CMYA5: variants seen among roughly 807,000 people sequenced by gnomAD.
The protein encoded by CMYA5 is cardiomyopathy-associated protein 5.
CMYA5 carries 246 observed loss-of-function variants against 318.9 expected under a neutral mutation model. The observed-to-expected ratio is 0.77, with a 90% CI of 0.70 to 0.86. CMYA5 has a LOEUF of 0.86. Ranked by LOEUF, CMYA5 falls within the 40% of genes least tolerant of loss-of-function variation. The probability of loss-of-function intolerance (pLI) is 0.00; values close to 1 mark genes in which losing one functional copy is unlikely to be tolerated. For missense variants in CMYA5, 4,589 were observed against 4,678.2 expected, an observed-to-expected ratio of 0.98 and a Z score of 0.56; for synonymous variants, 1,641 against 1,729.5, an observed-to-expected ratio of 0.95 and a Z score of 1.27.
intron 8 of CMYA5, 132 bp from the exon 9 acceptor site, chr5:79,762,930 A>T: frequency 9.4e-7 from 1 of 1,062,428 alleles, no homozygotes; most frequent in Non-Finnish European, 1.3e-6. Context: ...TTGGGTTTTT[A>T]ACACAGAATA....
chr5:79,799,825 A>G lies in CMYA5; in HGVS notation c.*209A>G. On this transcript the variant is annotated 3_prime_UTR_variant, in exon 13 of 13. Coordinates refer to ENST00000446378, the MANE Select transcript of CMYA5 (RefSeq NM_153610.5). The stretch of plus-strand genomic sequence containing the variant: ...TGTGAGTAAACAGAATGAAAACAAC[A>G]ACCTCCACTCTTTAGTTTATATAAG... The G allele has an allele frequency of 2.4e-6, 1 of 424,128 alleles. No homozygotes were observed. Among genetic ancestry groups the G allele is most frequent in the Non-Finnish European group, 4.1e-6 (1 of 241,222 alleles). The allele number at this position is 424,128 out of a possible 1,614,324, so 26.3% of individuals were successfully genotyped here.
rs753037173 is a variant in CMYA5, at chr5:79,731,025, C to A, written c.2260C>A (p.Leu754Ile). Reference protein sequence around the residue: ...PAVAPASEPSLSPSTTEKTSE... With the variant: ...PAVAPASEPSISPSTTEKTSE... ...TGTGGCCCCTGCTTCTGAGCCCTCT[C>A]TCTCACCATCCACAACCGAAAAGAC... The change falls in exon 2 of 13, where the codon CTC becomes ATC. Residue 754 changes from leucine to isoleucine, a missense_variant. Transcript: ENST00000446378. 2.5e-6 allele frequency: 4 copies of A among 1,614,034 alleles called. No homozygotes were observed. The highest frequency in any genetic ancestry group is 3.3e-5 in the Admixed American group (2 of 60,024).
Position 79,763,080 on chromosome 5 carries a change from T to A in CMYA5, c.11426T>A (p.Ile3809Asn). Residue 3809 changes from isoleucine (I) to asparagine (N), a missense_variant, in exon 9 of 13, where the codon ATC becomes AAC. Ile to Asn is a moderately radical substitution (Grantham distance 149, BLOSUM62 -3). Coordinates refer to ENST00000446378, the MANE Select transcript of CMYA5 (RefSeq NM_153610.5). The stretch of plus-strand genomic sequence containing the variant: ...TCTGCAGCACCCTCCACCCCTGTGA[T>A]CCGCGCTGAGGACTGTACTGTGTGT... ...IFRTAPSTPV[I>N]RAEDCTVCWN... is the part of the protein sequence containing the mutation. 2 of 1,613,748 alleles carry A rather than the reference T, an allele frequency of 1.2e-6. No homozygotes were observed. Among genetic ancestry groups the A allele is most frequent in the East Asian group, 4.5e-5 (2 of 44,864 alleles).
chr5:79,735,256 C>A lies in CMYA5; in HGVS notation c.6491C>A (p.Pro2164Gln), dbSNP rs369777192. 6.2e-7 allele frequency: 1 copy of A among 1,613,686 alleles called. No homozygotes were observed. The highest frequency in any genetic ancestry group is 8.5e-7 in the Non-Finnish European group (1 of 1,179,814). Residue 2164 changes from proline to glutamine, a missense_variant, in exon 2 of 13, where the codon CCG becomes CAG. By Grantham distance (76) the Pro-to-Gln change is moderately conservative. Around this residue, in one of 3 missense-constraint regions of CMYA5, gnomAD observed 2,431 missense variants for 2,495.1 expected, o/e 0.97. Transcript: ENST00000446378. ...NPPTQPKVAK[P>Q]DLPEEKGKKG... ...CCTACACAACCAAAGGTGGCTAAGC[C>A]GGACCTTCCTGAGGAAAAGGGAAAG...
At chr5:79,790,854 C>A in intron 10 of CMYA5, 116 bp from the exon 11 acceptor site, 1 of 671,070 alleles carries the variant, frequency 1.5e-6, no homozygotes, top group Non-Finnish European at 2.6e-6. Context: ...GAAGACACTT[C>A]GTGGGGGATT....
At chr5:79,711,868 A>G (rs918810495) in intron 1 of CMYA5, among the ~76,000 whole-genome samples, 10 of 152,186 alleles carry the variant, frequency 6.6e-5, no homozygotes, top group Admixed American at 1.3e-4. Flanking sequence ...TCAGTGGAGG[A>G]GCACCCAGAA....
chr5:79,747,762 A>T (rs1471861866), intron 5 of CMYA5, among the ~76,000 whole-genome samples: 2 of 152,184 alleles, frequency 1.3e-5, no homozygotes, highest in African/African-American at 4.8e-5. Context: ...AACAGATCTG[A>T]CACGTTCTTC....
Position 79,734,350 on chromosome 5 carries a change from C to A in CMYA5, c.5585C>A (p.Pro1862His). The A allele has an allele frequency of 6.2e-7, 1 of 1,613,840 alleles. No individual in the cohort carries two copies. The highest frequency in any genetic ancestry group is 1.1e-5 in the South Asian group (1 of 91,082). Residue 1862 changes from proline to histidine, a missense_variant, in exon 2 of 13, where the codon CCT becomes CAT. This residue lies in a region of CMYA5 where 2,132 missense variants were observed against 2,131.3 expected (regional missense o/e 1.00). Transcript: ENST00000446378. ...TTTTCACTTATGAGAGAGAATTTGC[C>A]TTTGGAACAATCAAAATCATTTATG... ...KQFSLMRENL[P>H]LEQSKSFMTT...
At chr5:79,760,033 G>C (rs1828617587) in intron 7 of CMYA5, among the ~76,000 whole-genome samples, 1 of 152,176 alleles carries the variant, frequency 6.6e-6, no homozygotes, top group Non-Finnish European at 1.5e-5. Context: ...CCGGGGGCAG[G>C]AGTCAAACAC....
rs551925528 is a variant in CMYA5 at position 79,730,304 on chromosome 5, A to T, written c.1539A>T (p.Leu513=). Residue 513 remains leucine, a synonymous_variant, in exon 2 of 13, where the codon CTA becomes CTT. Transcript: ENST00000446378. ...AGAAAGAAGAAATAGAAACTTCCCT[A>T]CCCATAGCTATTACCCCTGAACCTG... is the stretch of plus-strand genomic sequence containing the variant. ...EPEKEEIETS[L]PIAITPEPED... is the part of the protein sequence containing the mutation. The T allele has an allele frequency of 2.5e-6, 4 of 1,613,718 alleles. No individual in the cohort carries two copies. The highest frequency in any genetic ancestry group is 3.4e-6 in the Non-Finnish European group (4 of 1,179,844).
At chr5:79,763,848 G>A (rs1828701422) in intron 9 of CMYA5, among the ~76,000 whole-genome samples, 2 of 152,232 alleles carry the variant, frequency 1.3e-5, no homozygotes, top group South Asian at 4.2e-4. Flanking sequence ...CCTTGCTGTG[G>A]AGCAGCTTCA....
Position 79,799,477 on chromosome 5 carries a change from A to C in CMYA5, c.12071A>C (p.Asn4024Thr). ...AACAACCAGAGACTTATCTTCATCAACGCAGAGAGCGAGCAGTTGCTCTTC... is the reference window on the plus strand; with the variant it reads ...AACAACCAGAGACTTATCTTCATCACCGCAGAGAGCGAGCAGTTGCTCTTC... ...DYNNQRLIFI[N>T]AESEQLLFII... Residue 4024 changes from asparagine to threonine, a missense_variant, in exon 13 of 13, where the codon AAC (asparagine) becomes ACC (threonine). Asn to Thr is a moderately conservative substitution (Grantham distance 65). Around this residue, in one of 3 missense-constraint regions of CMYA5, gnomAD observed 2,431 missense variants for 2,495.1 expected, o/e 0.97. Coordinates refer to ENST00000446378, the MANE Select transcript of CMYA5 (RefSeq NM_153610.5). 1 of 1,614,012 alleles carries C rather than the reference A, an allele frequency of 6.2e-7. No individual in the cohort carries two copies. The highest frequency in any genetic ancestry group is 8.5e-7 in the Non-Finnish European group (1 of 1,179,908).
intron 7 of CMYA5, among the ~76,000 whole-genome samples, chr5:79,759,315 G>A (rs886414272): frequency 6.6e-6 from 1 of 152,226 alleles, no homozygotes; most frequent in African/African-American, 2.4e-5. Context: ...GCCATAGAGA[G>A]GACAGTGTGC....
intron 9 of CMYA5, among the ~76,000 whole-genome samples, chr5:79,788,583 CATG>C (rs146810164): frequency 0.03 from 4,623 of 151,776 alleles, 418 homozygotes; most frequent in Admixed American, 0.19. Flanking sequence ...GTGGCTTTAG[CATG>C]ATGATCATGT....
intron 1 of CMYA5, among the ~76,000 whole-genome samples, chr5:79,706,653 C>T (rs1350252622): frequency 6.6e-6 from 1 of 152,118 alleles, no homozygotes; most frequent in Non-Finnish European, 1.5e-5. Flanking sequence ...CTATGAACAT[C>T]TGCTTTTCTG....
intron 1 of CMYA5, among the ~76,000 whole-genome samples, chr5:79,690,362 T>C (rs1353630295): frequency 6.6e-6 from 1 of 152,140 alleles, no homozygotes; most frequent in African/African-American, 2.4e-5. Flanking sequence ...CACGTACATC[T>C]GGCCCGAGGC....
Position 79,737,733 on chromosome 5 carries a change from C to T in CMYA5, c.8968C>T (p.Pro2990Ser), listed in dbSNP as rs765853809. 6 of 1,611,974 alleles carry T rather than the reference C, an allele frequency of 3.7e-6. No homozygotes were observed. In the South Asian group the frequency reaches 6.6e-5, roughly 18 times the overall value. ...LEEKASFKTIPLPDDSETVAC... is the reference protein window; with the variant it reads ...LEEKASFKTISLPDDSETVAC... ...AGAGAAAGCCTCATTTAAAACCATACCACTCCCTGATGATAGTGAAACAGT... is the reference window on the plus strand; with the variant it reads ...AGAGAAAGCCTCATTTAAAACCATATCACTCCCTGATGATAGTGAAACAGT... The change falls in exon 2 of 13, where the codon CCA becomes TCA. Residue 2990 changes from proline (P) to serine (S), a missense_variant. This residue lies in a region of CMYA5 where 2,431 missense variants were observed against 2,495.1 expected (regional missense o/e 0.97). Coordinates refer to ENST00000446378, the MANE Select transcript of CMYA5 (RefSeq NM_153610.5).
Position 79,729,150 on chromosome 5 carries a change from A to G in CMYA5, c.385A>G (p.Lys129Glu), listed in dbSNP as rs756435895. The change falls in exon 2 of 13, where the codon AAA (lysine) becomes GAA (glutamate). Residue 129 changes from lysine (K) to glutamate (E), a missense_variant. Physicochemically the swap from Lys to Glu is moderately conservative, Grantham distance 56. Around this residue, in one of 3 missense-constraint regions of CMYA5, gnomAD observed 2,132 missense variants for 2,131.3 expected, o/e 1.00. Transcript: ENST00000446378. ...TGTTTCCTTTATTGTGGATGAAGTGAAAAAGGTTCGGAAAAGGACTCATAA... is the reference window on the plus strand; with the variant it reads ...TGTTTCCTTTATTGTGGATGAAGTGGAAAAGGTTCGGAAAAGGACTCATAA... ...GNVSFIVDEV[K>E]KVRKRTHKSK... 9.3e-6 allele frequency: 15 copies of G among 1,612,226 alleles called. No homozygotes were observed. Among genetic ancestry groups the G allele is most frequent in the Non-Finnish European group, 1.1e-5 (13 of 1,179,176 alleles).
intron 1 of CMYA5, among the ~76,000 whole-genome samples, chr5:79,706,683 G>A (rs1827280151): frequency 6.6e-6 from 1 of 152,088 alleles, no homozygotes; most frequent in Admixed American, 6.6e-5. Context: ...TCTTGGTGAT[G>A]TGAAACCTCC....
Sources: gnomAD v4.1 joint callset for allele counts (sites outside exome capture counted in the v4.1 genomes callset) on GRCh38, gnomAD v4.1.1 for gene constraint, gnomAD v4.1.1 regional missense constraint, MANE v1.5 for transcripts, NCBI Gene and HGNC (gene_info 2026-07-23, HGNC 2026-07-21) for gene names.